The following EPHB2 variants were observed in gnomAD, a reference collection of about 807,000 sequenced individuals.
EPHB2 encodes the protein ephrin type-B receptor 2.
Under a neutral mutation model 96.4 loss-of-function variants are expected in EPHB2, and 18 were observed. The observed-to-expected ratio is 0.19, with a 90% CI of 0.13 to 0.28. EPHB2 has a LOEUF of 0.28. Ranked by LOEUF, EPHB2 falls within the 10% of genes least tolerant of loss-of-function variation. The pLI, the probability that EPHB2 is intolerant of heterozygous loss-of-function variation, is 1.00. For missense variants in EPHB2, 989 were observed against 1,355.4 expected, an observed-to-expected ratio of 0.73 and a Z score of 4.25; for synonymous variants, 506 against 534.1, an observed-to-expected ratio of 0.95 and a Z score of 0.72.
intron 3 of EPHB2, among the ~76,000 whole-genome samples, chr1:22,789,604 T>C (rs1335956457): frequency 1.3e-5 from 2 of 152,200 alleles, no homozygotes; most frequent in Admixed American, 6.5e-5. Context: ...CTAACAAATA[T>C]GCGTTGCATA....
At chr1:22,797,244 C>T (rs1260316993) in intron 3 of EPHB2, among the ~76,000 whole-genome samples, 1 of 152,152 alleles carries the variant, frequency 6.6e-6, no homozygotes, top group Non-Finnish European at 1.5e-5. Flanking sequence ...AGACATTCGT[C>T]CCCTTCATTC....
At position 22,780,048 on chromosome 1, in the gene EPHB2, C is replaced by T. The variant is rs116011531; in HGVS notation, c.62-1373C>T. On this transcript the variant is annotated intron_variant, in intron 1 of 15. Transcript: ENST00000374630. ...CTCCATGGTAGGGTCTTGCTAGCCA[C>T]GGTTTTCTCTCTCAGGGCACCCAGT... Among the ~76,000 whole-genome samples the T allele has an allele frequency of 5.8e-3, 879 of 152,322 alleles. 6 individuals are homozygous for T. Among genetic ancestry groups the T allele is most frequent in the African/African-American group, 0.018 (729 of 41,568 alleles).
Position 22,906,603 on chromosome 1 carries a change from G to C in EPHB2, c.1889-107G>C, listed in dbSNP as rs1639923987. The C allele has an allele frequency of 6.5e-7, 1 of 1,548,312 alleles. No individual in the cohort carries two copies. Among genetic ancestry groups the C allele is most frequent in the Non-Finnish European group, 8.8e-7 (1 of 1,142,556 alleles). On this transcript the variant is annotated intron_variant, in intron 10 of 15. Transcript: ENST00000374630. The surrounding 1 kb of genome is among the most constrained non-coding windows in gnomAD (Gnocchi z 4.8). ...TCTGCAAGGATGAGTGGGCCATTGA[G>C]AAGAAAATGTACCTGCAGGCCCCGT...
At chr1:22,796,757 C>T (rs1449524755) in intron 3 of EPHB2, among the ~76,000 whole-genome samples, 1 of 152,240 alleles carries the variant, frequency 6.6e-6, no homozygotes, top group Non-Finnish European at 1.5e-5. Context: ...AGGAGGCAGG[C>T]ACAGGCTCTT....
intron 6 of EPHB2, among the ~76,000 whole-genome samples, chr1:22,889,998 A>G (rs185064984): frequency 1.3e-5 from 2 of 152,160 alleles, no homozygotes. Context: ...AGGGGGAAAG[A>G]GTTAGGGATG....
intron 1 of EPHB2, among the ~76,000 whole-genome samples, chr1:22,743,699 C>T: frequency 6.6e-6 from 1 of 152,212 alleles, no homozygotes; most frequent in East Asian, 1.9e-4. Context: ...TCTCAAACTC[C>T]TGGCCTCAAG....
At chr1:22,879,405 T>C (rs995213071) in intron 5 of EPHB2, among the ~76,000 whole-genome samples, 1 of 152,320 alleles carries the variant, frequency 6.6e-6, no homozygotes, top group African/African-American at 2.4e-5. Flanking sequence ...AAGCCCGTGA[T>C]GGGCAGACAG....
At chr1:22,749,866 G>T (rs1052553918) in intron 1 of EPHB2, among the ~76,000 whole-genome samples, 59 of 151,998 alleles carry the variant, frequency 3.9e-4, no homozygotes, top group African/African-American at 1.4e-3. Context: ...CGGACAAAAG[G>T]ATGGGGATGA....
intron 5 of EPHB2, among the ~76,000 whole-genome samples, chr1:22,870,240 A>G (rs1004056103): frequency 1.3e-5 from 2 of 152,144 alleles, no homozygotes; most frequent in East Asian, 3.9e-4. Flanking sequence ...TCATCCAGCC[A>G]TCATGCCGCC....
chr1:22,758,388 G>A (rs1644185274), intron 1 of EPHB2, among the ~76,000 whole-genome samples: 1 of 151,988 alleles, frequency 6.6e-6, no homozygotes, highest in Middle Eastern at 3.2e-3. Context: ...TCTCCTAGGA[G>A]AGGGCTTCCT....
At chr1:22,886,579 C>T (rs1639230900) in intron 6 of EPHB2, among the ~76,000 whole-genome samples, 1 of 147,300 alleles carries the variant, frequency 6.8e-6, no homozygotes, top group Non-Finnish European at 1.5e-5. Context: ...GTAGCATGGG[C>T]TGGGGGAGTT....
intron 4 of EPHB2, 150 bp from the exon 5 acceptor site, chr1:22,864,727 C>CA: frequency 1.7e-6 from 1 of 603,956 alleles, no homozygotes; most frequent in Non-Finnish European, 2.9e-6. Flanking sequence ...AACTTGTATT[C>CA]TAGAAACATT....
At chr1:22,848,434 G>T (rs1314351665) in intron 3 of EPHB2, among the ~76,000 whole-genome samples, 1 of 152,172 alleles carries the variant, frequency 6.6e-6, no homozygotes, top group South Asian at 2.1e-4. Flanking sequence ...CCCAAAACTA[G>T]CCCTGCCTGA....
chr1:22,896,750 G>A (rs1639578683), intron 9 of EPHB2, among the ~76,000 whole-genome samples: 1 of 151,866 alleles, frequency 6.6e-6, no homozygotes, highest in Non-Finnish European at 1.5e-5. Flanking sequence ...AGCCTTCCCC[G>A]ACCCCACCCC....
intron 1 of EPHB2, among the ~76,000 whole-genome samples, chr1:22,778,224 C>T (rs549910092): frequency 6.6e-6 from 1 of 152,228 alleles, no homozygotes; most frequent in South Asian, 2.1e-4. Flanking sequence ...CGGGGTTTGA[C>T]CATGTTGGCC....
intron 1 of EPHB2, among the ~76,000 whole-genome samples, chr1:22,752,767 GTACACACACACACA>G (rs2148381857): frequency 6.6e-6 from 1 of 150,992 alleles, no homozygotes; most frequent in East Asian, 1.9e-4. Context: ...ATACTTACAC[GTACACACACACACA>G]TGCACACACA....
intron 7 of EPHB2, among the ~76,000 whole-genome samples, chr1:22,895,080 T>G (rs1360274924): frequency 6.6e-6 from 1 of 152,124 alleles, no homozygotes; most frequent in East Asian, 1.9e-4. Context: ...TTTGCCTTAC[T>G]AAGTCACTTT....
intron 1 of EPHB2, among the ~76,000 whole-genome samples, chr1:22,771,800 G>A (rs2148407002): frequency 6.6e-6 from 1 of 152,314 alleles, no homozygotes; most frequent in South Asian, 2.1e-4. Context: ...TAAGTAAAAA[G>A]GCTTTAAAAA....
At chr1:22,779,934 G>A (rs1644505382) in intron 1 of EPHB2, among the ~76,000 whole-genome samples, 1 of 152,160 alleles carries the variant, frequency 6.6e-6, no homozygotes, top group South Asian at 2.1e-4. Context: ...TGAGCAAGGT[G>A]GTGTCACTGT....
Sources: allele counts gnomAD v4.1 joint callset (sites outside exome capture counted in the v4.1 genomes callset), GRCh38; gene constraint gnomAD v4.1.1; non-coding constraint Gnocchi (gnomAD v3.1); transcripts MANE v1.5; gene names NCBI Gene and HGNC (gene_info 2026-07-23, HGNC 2026-07-21).